Variants in TRHDE observed in about 807,000 individuals in gnomAD.
The protein encoded by TRHDE is thyrotropin-releasing hormone-degrading ectoenzyme.
Under a neutral mutation model 125.7 loss-of-function variants are expected in TRHDE, and 72 were observed. The observed-to-expected ratio is 0.57, with a 90% CI of 0.47 to 0.70. The LOEUF (loss-of-function observed/expected upper bound fraction) is 0.70, where lower values mean the gene tolerates loss of function less well. Ranked by LOEUF, TRHDE falls within the 30% of genes least tolerant of loss-of-function variation. The pLI, the probability that TRHDE is intolerant of heterozygous loss-of-function variation, is 0.00. For synonymous variants in TRHDE, 509 were observed against 509.1 expected (o/e 1.00, Z 0.00); for missense variants, 1,110 against 1,327.1 (o/e 0.84, Z 2.54).
intron 15 of TRHDE, among the ~76,000 whole-genome samples, chr12:72,650,451 T>C (rs1874460112): frequency 1.3e-5 from 2 of 152,144 alleles, no homozygotes; most frequent in South Asian, 4.1e-4. Context: ...TAGTTTAGTA[T>C]ATTCTGTTAC....
chr12:72,219,916 C>T (rs905156893), intron 2 of TRHDE, among the ~76,000 whole-genome samples: 8 of 152,112 alleles, frequency 5.3e-5, no homozygotes, highest in Non-Finnish European at 1.2e-4. Context: ...GGTAATTACT[C>T]TCATTGGGAT....
intron 2 of TRHDE, among the ~76,000 whole-genome samples, chr12:72,294,114 G>A (rs556149215): frequency 2.0e-5 from 3 of 152,278 alleles, no homozygotes; most frequent in African/African-American, 7.2e-5. Flanking sequence ...CTGGCTCAGG[G>A]AGTTCCCAGG....
At chr12:72,219,928 T>C (rs985234680) in intron 2 of TRHDE, among the ~76,000 whole-genome samples, 3 of 152,298 alleles carry the variant, frequency 2.0e-5, no homozygotes, top group African/African-American at 4.8e-5. Context: ...CATTGGGATC[T>C]GGGAAAAGCA....
intron 2 of TRHDE, among the ~76,000 whole-genome samples, chr12:72,155,968 G>T (rs1287167193): frequency 6.6e-6 from 1 of 152,230 alleles, no homozygotes; most frequent in Non-Finnish European, 1.5e-5. Flanking sequence ...GTTGCCTTTT[G>T]TTTGGCTATG....
At chr12:72,600,244 T>C (rs1309722721) in intron 12 of TRHDE, among the ~76,000 whole-genome samples, 1 of 152,108 alleles carries the variant, frequency 6.6e-6, no homozygotes, top group Non-Finnish European at 1.5e-5. Context: ...GGGCTCCTTT[T>C]TGGTTTTATA....
intron 10 of TRHDE, among the ~76,000 whole-genome samples, chr12:72,570,295 C>T (rs944962271): frequency 3.9e-5 from 6 of 151,916 alleles, no homozygotes; most frequent in African/African-American, 1.4e-4. Flanking sequence ...AGAATAGTAT[C>T]CCAGGCTGGG....
At chr12:72,607,872 C>A (rs1024929892) in intron 12 of TRHDE, among the ~76,000 whole-genome samples, 1 of 152,106 alleles carries the variant, frequency 6.6e-6, no homozygotes, top group African/African-American at 2.4e-5. Flanking sequence ...CCATCATTCC[C>A]TTTAGCATCA....
intron 2 of TRHDE, among the ~76,000 whole-genome samples, chr12:72,311,861 G>A (rs1868558075): frequency 6.6e-6 from 1 of 152,106 alleles, no homozygotes; most frequent in Non-Finnish European, 1.5e-5. Context: ...TGCTATAATA[G>A]CTTCAAATCA....
At chr12:72,389,969 G>A (rs1244574226) in intron 3 of TRHDE, among the ~76,000 whole-genome samples, 1 of 152,068 alleles carries the variant, frequency 6.6e-6, no homozygotes, top group Non-Finnish European at 1.5e-5. Context: ...GCAGATTCTG[G>A]ATATATTTTA....
chr12:72,510,710 A>G (rs1878548190), intron 6 of TRHDE, among the ~76,000 whole-genome samples: 2 of 152,222 alleles, frequency 1.3e-5, no homozygotes, highest in South Asian at 4.1e-4. Context: ...GCATATAAAA[A>G]ATAAAGGTTG....
intron 15 of TRHDE, among the ~76,000 whole-genome samples, chr12:72,633,627 A>C (rs890713146): frequency 2.6e-5 from 4 of 152,012 alleles, no homozygotes; most frequent in Non-Finnish European, 5.9e-5. Flanking sequence ...TGATCTTTCC[A>C]CCCATCACTG....
chr12:72,380,747 C>T (rs867540829), intron 3 of TRHDE, among the ~76,000 whole-genome samples: 8 of 95,862 alleles, frequency 8.3e-5, no homozygotes, highest in African/African-American at 5.0e-4. Flanking sequence ...TCCTTCCTTC[C>T]TTCCTTCCTT....
At chr12:72,523,795 G>A (rs925339817) in intron 6 of TRHDE, among the ~76,000 whole-genome samples, 1 of 152,128 alleles carries the variant, frequency 6.6e-6, no homozygotes, top group African/African-American at 2.4e-5. Flanking sequence ...TTCTGCTCGT[G>A]ATACACCACT....
At chr12:72,232,642 C>T (rs1294752868) in intron 2 of TRHDE, among the ~76,000 whole-genome samples, 1 of 152,040 alleles carries the variant, frequency 6.6e-6, no homozygotes, top group Non-Finnish European at 1.5e-5. Context: ...GAGAACTCAG[C>T]CCCAGCATCC....
chr12:72,439,809 C>A (rs549232416), intron 3 of TRHDE, among the ~76,000 whole-genome samples: 1 of 151,920 alleles, frequency 6.6e-6, no homozygotes, highest in African/African-American at 2.4e-5. Context: ...GAGGGAGCAT[C>A]ATTTTCTTGC....
chr12:72,389,843 GA>G (rs765692144), intron 3 of TRHDE, among the ~76,000 whole-genome samples: 1 of 152,166 alleles, frequency 6.6e-6, no homozygotes, highest in Non-Finnish European at 1.5e-5. Flanking sequence ...GCCTCATGTA[GA>G]ACAGACTATT....
At chr12:72,288,479 A>T (rs1218614282) in intron 2 of TRHDE, among the ~76,000 whole-genome samples, 1 of 152,090 alleles carries the variant, frequency 6.6e-6, no homozygotes, top group Non-Finnish European at 1.5e-5. Flanking sequence ...ACTCTTTTGG[A>T]TTTATAATCA....
chr12:72,193,514 T>C (rs1444801335), intron 2 of TRHDE, among the ~76,000 whole-genome samples: 1 of 152,166 alleles, frequency 6.6e-6, no homozygotes, highest in East Asian at 1.9e-4. Flanking sequence ...GCCTGTGGAT[T>C]AATACAAGAG....
chr12:72,471,578 C>T (rs193284135), intron 4 of TRHDE, among the ~76,000 whole-genome samples: 31 of 152,280 alleles, frequency 2.0e-4, no homozygotes, highest in Middle Eastern at 3.4e-3. Flanking sequence ...AAATAATTTC[C>T]GTTGTCATTA....
Sources: gnomAD v4.1 joint callset for allele counts (sites outside exome capture counted in the v4.1 genomes callset) on GRCh38, gnomAD v4.1.1 for gene constraint, MANE v1.5 for transcripts, NCBI Gene and HGNC (gene_info 2026-07-23, HGNC 2026-07-21) for gene names.